SNX29: variants seen among roughly 807,000 people sequenced by gnomAD.
SNX29 encodes sorting nexin 29.
In SNX29, 78 loss-of-function variants were observed where a neutral mutation model predicts 102.1. The ratio of observed to expected loss-of-function variants is 0.76; its 90% confidence interval spans 0.64 to 0.92. The LOEUF (loss-of-function observed/expected upper bound fraction) is 0.92. Ranked by LOEUF, SNX29 falls within the 40% of genes least tolerant of loss-of-function variation. The pLI, the probability that SNX29 is intolerant of heterozygous loss-of-function variation, is 0.00. For missense variants in SNX29, 1,280 were observed against 1,061.7 expected (o/e 1.21, Z -2.86); for synonymous variants, 580 against 414.5 (o/e 1.40, Z -4.85).
chr16:12,119,645 C>T (rs1227487753), intron 11 of SNX29, among the ~76,000 whole-genome samples: 1 of 152,178 alleles, frequency 6.6e-6, no homozygotes, highest in East Asian at 1.9e-4. Flanking sequence ...GAGGCCACAC[C>T]CTGGGAACTG....
chr16:12,156,078 C>G (rs1402103492), intron 13 of SNX29, among the ~76,000 whole-genome samples: 1 of 152,216 alleles, frequency 6.6e-6, no homozygotes, highest in Admixed American at 6.5e-5. Context: ...GCACACCCCC[C>G]CACATCTCCT....
intron 14 of SNX29, among the ~76,000 whole-genome samples, chr16:12,217,981 C>G (rs2077369727): frequency 1.3e-5 from 2 of 152,174 alleles, no homozygotes; most frequent in African/African-American, 4.8e-5. Flanking sequence ...TTTCCCATGA[C>G]TTGTTATCAC....
At chr16:12,560,443 C>T (rs189745446) in intron 20 of SNX29, among the ~76,000 whole-genome samples, 77 of 152,262 alleles carry the variant, frequency 5.1e-4, no homozygotes, top group Non-Finnish European at 8.4e-4. Flanking sequence ...TGTCCCCAGC[C>T]CCGAGTCTTT....
intron 20 of SNX29, chr16:12,561,122 C>T (rs1248333008): frequency 2.6e-5 from 6 of 227,832 alleles, no homozygotes; most frequent in East Asian, 2.5e-4. Context: ...GCACCCATCA[C>T]GCAGTCCTGA....
At chr16:12,078,936 C>T (rs775415432) in intron 11 of SNX29, 21 bp downstream of exon 11, 3 of 1,574,158 alleles carry the variant, frequency 1.9e-6, no homozygotes, top group East Asian at 2.3e-5. Flanking sequence ...TCGCAGCCCC[C>T]TCCACCAGCT....
intron 14 of SNX29, among the ~76,000 whole-genome samples, chr16:12,204,952 G>T (rs2141999765): frequency 6.6e-6 from 1 of 152,262 alleles, no homozygotes; most frequent in African/African-American, 2.4e-5. Flanking sequence ...TGTGCGCTTT[G>T]TGCTCTCACT....
chr16:12,258,146 C>T (rs1372015156), intron 14 of SNX29, among the ~76,000 whole-genome samples: 1 of 152,116 alleles, frequency 6.6e-6, no homozygotes, highest in Non-Finnish European at 1.5e-5. Context: ...CTCCCAGCTC[C>T]CCTGATGAAA....
intron 18 of SNX29, among the ~76,000 whole-genome samples, chr16:12,429,048 A>G (rs916815276): frequency 1.1e-4 from 17 of 152,058 alleles, no homozygotes; most frequent in Non-Finnish European, 2.1e-4. Context: ...GTTAATCCCA[A>G]CACACAGATA....
intron 11 of SNX29, among the ~76,000 whole-genome samples, chr16:12,109,499 T>G (rs975938682): frequency 1.3e-5 from 2 of 152,196 alleles, no homozygotes; most frequent in African/African-American, 4.8e-5. Context: ...GGGCTTAAAT[T>G]TCACTGTGAG....
chr16:12,478,237 T>C (rs151011779), intron 19 of SNX29, among the ~76,000 whole-genome samples: 24 of 152,364 alleles, frequency 1.6e-4, no homozygotes, highest in African/African-American at 5.0e-4. Context: ...TATGTGCCAA[T>C]AGCATTTTAT....
chr16:12,277,218 T>A (rs2079278920), intron 14 of SNX29, among the ~76,000 whole-genome samples: 1 of 151,982 alleles, frequency 6.6e-6, no homozygotes, highest in African/African-American at 2.4e-5. Flanking sequence ...TGAGACCTTG[T>A]CTCTACAAAA....
At chr16:12,257,450 A>AGCATCTTTGGGGCATGG (rs1429748157) in intron 14 of SNX29, among the ~76,000 whole-genome samples, 1 of 152,084 alleles carries the variant, frequency 6.6e-6, no homozygotes, top group South Asian at 2.1e-4. Context: ...ACATATTCAC[A>AGCATCTTTGGGGCATGG]GCATCTTTGG....
At chr16:12,004,061 G>A (rs1344450790) in intron 3 of SNX29, among the ~76,000 whole-genome samples, 6 of 151,166 alleles carry the variant, frequency 4.0e-5, no homozygotes, top group African/African-American at 1.5e-4. Context: ...ATAAAATTCG[G>A]CTGGGCGCAG....
At chr16:12,561,270 G>GCT (rs2078709210) in intron 20 of SNX29, 1 of 230,038 alleles carries the variant, frequency 4.3e-6, no homozygotes, top group Admixed American at 5.7e-5. Flanking sequence ...GATCCAAGGG[G>GCT]CTAAGACACA....
intron 15 of SNX29, among the ~76,000 whole-genome samples, chr16:12,347,318 G>A (rs2081843522): frequency 2.0e-5 from 3 of 152,220 alleles, no homozygotes; most frequent in South Asian, 4.2e-4. Flanking sequence ...GATGAGTCCC[G>A]AGATTCCAGA....
In SNX29 at chr16:12,395,667, A is replaced by C. The variant is rs187665996; in HGVS notation, c.1900-2779A>C. ...CCATATTGAGGGTAAACTAAAGAGA[A>C]ATCTGCATCCCAGGGATGTGTTCTC... On this transcript the variant is annotated intron_variant, in intron 16 of 20. Coordinates refer to ENST00000566228, the MANE Select transcript of SNX29 (RefSeq NM_032167.5). 3.3e-3 allele frequency among the ~76,000 whole-genome samples: 510 copies of C among 152,310 alleles called. 15 individuals are homozygous for C. Among genetic ancestry groups the C allele is most frequent in the Admixed American group, 0.03 (462 of 15,304 alleles).
At chr16:12,475,722 A>G (rs907844048) in intron 18 of SNX29, among the ~76,000 whole-genome samples, 4 of 152,236 alleles carry the variant, frequency 2.6e-5, no homozygotes, top group Admixed American at 1.3e-4. Context: ...GCACATCACT[A>G]GCCTGGAAAA....
At chr16:12,155,673 C>A (rs1162649624) in intron 13 of SNX29, among the ~76,000 whole-genome samples, 1 of 152,062 alleles carries the variant, frequency 6.6e-6, no homozygotes, top group Non-Finnish European at 1.5e-5. Flanking sequence ...TGGTGGCATG[C>A]CGAGATGGAA....
At chr16:12,556,481 G>C (rs187103421) in intron 20 of SNX29, 2 of 152,440 alleles carry the variant, frequency 1.3e-5, no homozygotes, top group African/African-American at 2.4e-5. Flanking sequence ...GCACAAGGAG[G>C]AGTTAGGGCA....
Sources: gnomAD v4.1 joint callset for allele counts (sites outside exome capture counted in the v4.1 genomes callset) on GRCh38, gnomAD v4.1.1 for gene constraint, MANE v1.5 for transcripts, NCBI Gene and HGNC (gene_info 2026-07-23, HGNC 2026-07-21) for gene names.